Variants in ELOB observed in about 807,000 individuals in gnomAD.
ELOB encodes elongin B, also known as elongin-B.
A neutral mutation model predicts 12.9 loss-of-function variants in ELOB; 3 were observed. The observed-to-expected ratio is 0.23, with a 90% CI of 0.11 to 0.60. ELOB has a LOEUF of 0.60. Among genes scored for constraint, ELOB ranks in the 20% least tolerant of loss-of-function variants. ELOB has a pLI of 0.89. For synonymous variants in ELOB, 84 were observed against 67.4 expected (o/e 1.25, Z -1.21); for missense variants, 126 against 159.2 (o/e 0.79, Z 1.12).
At chr16:2,776,383 G>A (rs1356307063) in intron 2 of ELOB, among the ~76,000 whole-genome samples, 1 of 152,192 alleles carries the variant, frequency 6.6e-6, no homozygotes, top group Non-Finnish European at 1.5e-5. Flanking sequence ...TAAATCAGAG[G>A]CTGATGCATC....
rs765103455 is a variant in ELOB at position 2,772,119 on chromosome 16, A to G, written c.245-17T>C. On this transcript the variant is annotated splice_polypyrimidine_tract_variant and intron_variant, in intron 3 of 3. Transcript: ENST00000409906. Reference sequence around the variant, plus strand: ...AGGTGTCATCTGTGGAGGAAGCAGCAGAGCTGCAGGGGGGTATTCCAGCTC... The same window carrying G: ...AGGTGTCATCTGTGGAGGAAGCAGCGGAGCTGCAGGGGGGTATTCCAGCTC... 1 of 1,585,398 alleles carries G rather than the reference A, an allele frequency of 6.3e-7. No individual in the cohort carries two copies. The highest frequency in any genetic ancestry group is 1.1e-5 in the South Asian group (1 of 87,880).
intron 3 of ELOB, among the ~76,000 whole-genome samples, chr16:2,774,423 G>C (rs1237563211): frequency 6.6e-6 from 1 of 152,198 alleles, no homozygotes; most frequent in African/African-American, 2.4e-5. Flanking sequence ...TTGCTGTGAA[G>C]CCAGTCTCAT....
chr16:2,771,437 A>G lies in ELOB; in HGVS notation c.*553T>C, dbSNP rs2068744645. The G allele has an allele frequency of 2.5e-6, 4 of 1,613,894 alleles. No individual in the cohort carries two copies. The South Asian group carries it at 3.3e-5, about 13-fold the overall frequency. On this transcript the variant is annotated 3_prime_UTR_variant, in exon 4 of 4. Coordinates refer to ENST00000409906, the MANE Select transcript of ELOB (RefSeq NM_007108.4). Reference sequence around the variant, plus strand: ...ACTGGGTCTGTAGACTGTTTATTAAAGGTGTGTTAAGGGGGCAGCCACTTC... The same window carrying G: ...ACTGGGTCTGTAGACTGTTTATTAAGGGTGTGTTAAGGGGGCAGCCACTTC...
At chr16:2,772,283 T>C (rs1449702227) in intron 3 of ELOB, 181 bp from the exon 4 acceptor site, 2 of 680,120 alleles carry the variant, frequency 2.9e-6, no homozygotes, top group Admixed American at 3.8e-5. Context: ...CCCACGGTAA[T>C]GTCTCCTACC....
rs185201494 is a variant in ELOB, at chr16:2,774,064, T to C, written c.244+1387A>G. On this transcript the variant is annotated intron_variant, in intron 3 of 3. Transcript: ENST00000409906. ...GACTAACATGGTGAAACCCCATCTCTACTAAAAACACAAAGATTAGCTGGG... is the reference window on the plus strand; with the variant it reads ...GACTAACATGGTGAAACCCCATCTCCACTAAAAACACAAAGATTAGCTGGG... Among the ~76,000 whole-genome samples the C allele has an allele frequency of 4.9e-4, 74 of 152,226 alleles. 1 individual carries two copies. The highest frequency in any genetic ancestry group is 1.7e-3 in the African/African-American group (69 of 41,532).
intron 2 of ELOB, among the ~76,000 whole-genome samples, chr16:2,776,063 G>A (rs1031040185): frequency 2.0e-5 from 3 of 152,142 alleles, no homozygotes; most frequent in Non-Finnish European, 4.4e-5. Context: ...GCTGGTAGTT[G>A]AGCCTTTTGA....
rs762777288 is a variant in ELOB at position 2,771,438 on chromosome 16, G to A, written c.*552C>T. On this transcript the variant is annotated 3_prime_UTR_variant, in exon 4 of 4. Transcript: ENST00000409906. ...CTGGGTCTGTAGACTGTTTATTAAA[G>A]GTGTGTTAAGGGGGCAGCCACTTCC... is the stretch of plus-strand genomic sequence containing the variant. 5 of 1,613,894 alleles carry A rather than the reference G, an allele frequency of 3.1e-6. No homozygotes were observed. The Admixed American group carries it at 5.0e-5, about 16-fold the overall frequency.
rs2068745515 is a variant in ELOB, at chr16:2,771,457, C to T, written c.*533G>A. On this transcript the variant is annotated 3_prime_UTR_variant, in exon 4 of 4. Coordinates refer to ENST00000409906, the MANE Select transcript of ELOB (RefSeq NM_007108.4). ...ATTAAAGGTGTGTTAAGGGGGCAGC[C>T]ACTTCCCTCCGTGATTACAGCCCCC... 1 of 1,614,020 alleles carries T rather than the reference C, an allele frequency of 6.2e-7. No individual in the cohort carries two copies. The highest frequency in any genetic ancestry group is 8.5e-7 in the Non-Finnish European group (1 of 1,180,014).
At chr16:2,772,281 A>C (rs2068764040) in intron 3 of ELOB, 179 bp from the exon 4 acceptor site, 2 of 688,760 alleles carry the variant, frequency 2.9e-6, no homozygotes, top group Non-Finnish European at 4.3e-6. Context: ...GCCCCACGGT[A>C]ATGTCTCCTA....
At position 2,772,097 on chromosome 16, in the gene ELOB, T is replaced by C; in HGVS notation, c.250A>G (p.Thr84Ala). The change falls in exon 4 of 4, where the codon ACC (threonine) becomes GCC (alanine). Residue 84 changes from threonine (T) to alanine (A), a missense_variant. Transcript: ENST00000409906. ...GGCTCGATGCACAGGGCCTCAAAGG[T>C]GTCATCTGTGGAGGAAGCAGCAGAG... ...TVGLAFRADD[T>A]FEALCIEPFS... is the part of the protein sequence containing the mutation. 6.2e-7 allele frequency: 1 copy of C among 1,605,724 alleles called. No homozygotes were observed. The highest frequency in any genetic ancestry group is 8.5e-7 in the Non-Finnish European group (1 of 1,175,464).
At chr16:2,775,965 C>G (rs1355417708) in intron 2 of ELOB, among the ~76,000 whole-genome samples, 1 of 152,140 alleles carries the variant, frequency 6.6e-6, no homozygotes, top group Non-Finnish European at 1.5e-5. Context: ...ATCATAGCCC[C>G]CTCCAGCTTG....
rs1596301607 is a variant in ELOB, at chr16:2,771,971, A to G, written c.*19T>C. 1.3e-6 allele frequency: 2 copies of G among 1,549,596 alleles called. No homozygotes were observed. Among genetic ancestry groups the G allele is most frequent in the Non-Finnish European group, 1.7e-6 (2 of 1,145,054 alleles). ...TCCCAAATCTCTTTTATTGGGGGAA[A>G]TGGGCCTCTTGGGGGTCCTCACTGC... is the stretch of plus-strand genomic sequence containing the variant. On this transcript the variant is annotated 3_prime_UTR_variant, in exon 4 of 4. Coordinates refer to ENST00000409906, the MANE Select transcript of ELOB (RefSeq NM_007108.4).
chr16:2,773,565 A>G (rs971804498), intron 3 of ELOB, among the ~76,000 whole-genome samples: 26 of 152,140 alleles, frequency 1.7e-4, no homozygotes, highest in Admixed American at 6.5e-5. Context: ...GAACAACATG[A>G]TGATGGGTTG....
At position 2,776,753 on chromosome 16, in the gene ELOB, G is replaced by A. The variant is rs554474389; in HGVS notation, c.138+240C>T. On this transcript the variant is annotated intron_variant, in intron 2 of 3. Coordinates refer to ENST00000409906, the MANE Select transcript of ELOB (RefSeq NM_007108.4). Reference sequence around the variant, plus strand: ...CGCGGGCGATACCGTTGCAGGGGTTGCATGCCACGGTGCCCTCGGCGCCCG... The same window carrying A: ...CGCGGGCGATACCGTTGCAGGGGTTACATGCCACGGTGCCCTCGGCGCCCG... 2.6e-5 allele frequency among the ~76,000 whole-genome samples: 4 copies of A among 152,370 alleles called. No homozygotes were observed. In the East Asian group the frequency reaches 7.7e-4, roughly 29 times the overall value.
At chr16:2,772,380 C>G (rs749314348) in intron 3 of ELOB, 3 of 253,814 alleles carry the variant, frequency 1.2e-5, no homozygotes, top group Non-Finnish European at 2.3e-5. Flanking sequence ...ACTAGTGAGT[C>G]TGAGGGCTCA....
At position 2,771,640 on chromosome 16, in the gene ELOB, C is replaced by G. The variant is rs372215429; in HGVS notation, c.*350G>C. 4.3e-6 allele frequency: 7 copies of G among 1,612,944 alleles called. No homozygotes were observed. In the South Asian group the frequency reaches 7.7e-5, roughly 18 times the overall value. On this transcript the variant is annotated 3_prime_UTR_variant, in exon 4 of 4. Coordinates refer to ENST00000409906, the MANE Select transcript of ELOB (RefSeq NM_007108.4). ...GGGGGGCACTTAGAAGGAGAAAGGC[C>G]TAAAACTGGAATCTCTTGTCCCTGA...
chr16:2,771,505 T>C lies in ELOB; in HGVS notation c.*485A>G. ...CCCAGCGTGGGTGGACCTGTGTGGG[T>C]CCGTCTTGGGGTTCCCTCGTTGAAC... On this transcript the variant is annotated 3_prime_UTR_variant, in exon 4 of 4. Transcript: ENST00000409906. 6.2e-7 allele frequency: 1 copy of C among 1,614,182 alleles called. No individual in the cohort carries two copies. Among genetic ancestry groups the C allele is most frequent in the Non-Finnish European group, 8.5e-7 (1 of 1,180,040 alleles).
Position 2,771,922 on chromosome 16 carries a change from A to G in ELOB, c.*68T>C, listed in dbSNP as rs2068758788. On this transcript the variant is annotated 3_prime_UTR_variant, in exon 4 of 4. Transcript: ENST00000409906. ...GGACCCATCCCAGGGAGGGGCGGGA[A>G]AAAGAGGCAGCAACCAGGCAGACTC... is the stretch of plus-strand genomic sequence containing the variant. 2 of 1,550,582 alleles carry G rather than the reference A, an allele frequency of 1.3e-6. No individual in the cohort carries two copies. Among genetic ancestry groups the G allele is most frequent in the Non-Finnish European group, 1.7e-6 (2 of 1,147,982 alleles).
chr16:2,773,509 T>C (rs987331719), intron 3 of ELOB, among the ~76,000 whole-genome samples: 3 of 151,922 alleles, frequency 2.0e-5, no homozygotes, highest in African/African-American at 7.3e-5. Flanking sequence ...GTGGTAAGCT[T>C]GGGGGAGGGG....
Sources: gnomAD v4.1 joint callset for allele counts (sites outside exome capture counted in the v4.1 genomes callset) on GRCh38, gnomAD v4.1.1 for gene constraint, MANE v1.5 for transcripts, NCBI Gene and HGNC (gene_info 2026-07-23, HGNC 2026-07-21) for gene names.